The following ZNF626 variants were observed in gnomAD, a reference collection of about 807,000 sequenced individuals.
ZNF626 encodes the protein CTC-513N18.7.
ZNF626 carries 4 observed loss-of-function variants against 11.7 expected under a neutral mutation model. The observed-to-expected ratio is 0.34, with a 90% confidence interval of 0.17 to 0.78. The LOEUF is 0.78. Among genes scored for constraint, ZNF626 ranks in the 30% least tolerant of loss-of-function variants. The pLI is 0.57. For missense variants in ZNF626, 588 were observed against 587.1 expected, an observed-to-expected ratio of 1.00 and a Z score of -0.01; for synonymous variants, 179 against 198.6, an observed-to-expected ratio of 0.90 and a Z score of 0.83.
At chr19:20,656,333 ACT>A (rs1357069938) in intron 1 of ZNF626, among the ~76,000 whole-genome samples, 1 of 152,150 alleles carries the variant, frequency 6.6e-6, no homozygotes. Flanking sequence ...ATTATAAGAA[ACT>A]CTGCAAGATA....
At chr19:20,626,160 G>A (rs1969829845) in intron 3 of ZNF626, among the ~76,000 whole-genome samples, 1 of 152,096 alleles carries the variant, frequency 6.6e-6, no homozygotes, top group Non-Finnish European at 1.5e-5. Context: ...CTACTCAGAA[G>A]GCTGAGGCAG....
intron 3 of ZNF626, among the ~76,000 whole-genome samples, chr19:20,630,414 T>A (rs1184306496): frequency 5.3e-5 from 4 of 75,458 alleles, no homozygotes; most frequent in Non-Finnish European, 9.7e-5. Flanking sequence ...GGTCCTGAAC[T>A]TTTTTTGATT....
At position 20,661,534 on chromosome 19, in the gene ZNF626, G is replaced by GAAGA. The variant is rs1555773711; in HGVS notation, c.-92_-89dup. ...GGCCACACAGCCTGGGCCTTTAGGAGAAGAACCAGACCTGGAGCTCTGACT... is the reference window on the plus strand; with the variant it reads ...GGCCACACAGCCTGGGCCTTTAGGAGAAGAAAGAACCAGACCTGGAGCTCTGACT... On this transcript the variant is annotated 5_prime_UTR_variant, in exon 1 of 4. Coordinates refer to ENST00000601440, the MANE Select transcript of ZNF626 (RefSeq NM_001076675.3). 4.7e-6 allele frequency: 7 copies of GAAGA among 1,492,278 alleles called. No individual in the cohort carries two copies. The highest frequency in any genetic ancestry group is 1.4e-5 in the African/African-American group (1 of 71,816). 92.4% of individuals were successfully genotyped at this position (1,492,278 alleles called of 1,614,324 possible).
At chr19:20,651,012 C>A (rs188861001) in intron 1 of ZNF626, among the ~76,000 whole-genome samples, 1 of 151,838 alleles carries the variant, frequency 6.6e-6, no homozygotes, top group African/African-American at 2.4e-5. Context: ...GATTTTGAAA[C>A]CCCGTCTCTA....
At chr19:20,630,797 CTTAG>C (rs1969895836) in intron 3 of ZNF626, among the ~76,000 whole-genome samples, 1 of 151,942 alleles carries the variant, frequency 6.6e-6, no homozygotes, top group African/African-American at 2.4e-5. Context: ...CTGCTCTGAT[CTTAG>C]TTATTTCTTG....
At chr19:20,661,353 C>A in intron 1 of ZNF626, 91 bp downstream of exon 1, 1 of 1,539,112 alleles carries the variant, frequency 6.5e-7, no homozygotes. Flanking sequence ...GTGGAGCTGA[C>A]TGCGGGGAGG....
chr19:20,639,368 C>T (rs547325817), intron 3 of ZNF626, among the ~76,000 whole-genome samples: 17 of 152,294 alleles, frequency 1.1e-4, no homozygotes, highest in Admixed American at 3.9e-4. Context: ...ACTTTCCAGT[C>T]AAAACCAAGA....
chr19:20,643,634 G>A (rs1970046239), intron 3 of ZNF626, among the ~76,000 whole-genome samples: 1 of 152,062 alleles, frequency 6.6e-6, no homozygotes, highest in Non-Finnish European at 1.5e-5. Flanking sequence ...TAATAAAAGT[G>A]CTCTATTTTC....
intron 3 of ZNF626, chr19:20,645,447 C>T: frequency 6.2e-7 from 1 of 1,611,828 alleles, no homozygotes. Context: ...GAAGGAAGCT[C>T]ACTGAAAGAA....
chr19:20,637,820 C>G (rs1969982865), intron 3 of ZNF626, among the ~76,000 whole-genome samples: 1 of 152,056 alleles, frequency 6.6e-6, no homozygotes, highest in Non-Finnish European at 1.5e-5. Context: ...GAAATAACAA[C>G]TTCATTTCTT....
intron 3 of ZNF626, among the ~76,000 whole-genome samples, chr19:20,633,934 T>C (rs1969938141): frequency 6.6e-6 from 1 of 152,032 alleles, no homozygotes; most frequent in Non-Finnish European, 1.5e-5. Context: ...TCTTGGCTCC[T>C]CCCCCCTCAT....
intron 1 of ZNF626, among the ~76,000 whole-genome samples, chr19:20,651,186 C>CA (rs34904142): frequency 0.082 from 10,336 of 126,816 alleles, 1,038 homozygotes; most frequent in African/African-American, 0.26. Flanking sequence ...GACTCCATAT[C>CA]AAAAAAAAAA....
chr19:20,636,733 A>AT (rs1243096524), intron 3 of ZNF626, among the ~76,000 whole-genome samples: 8 of 152,204 alleles, frequency 5.3e-5, no homozygotes, highest in African/African-American at 1.9e-4. Context: ...AAGATATAAT[A>AT]TACAGGGTTG....
At position 20,622,805 on chromosome 19, in the gene ZNF626, T is replaced by C. The variant is rs2144758958; in HGVS notation, c.*1485A>G. 6.6e-6 allele frequency: 1 copy of C among 152,312 alleles called. No individual in the cohort carries two copies. The highest frequency in any genetic ancestry group is 2.4e-5 in the African/African-American group (1 of 41,576). 9.4% of individuals were successfully genotyped at this position (152,312 alleles called of 1,614,324 possible). A position where few individuals can be genotyped will look rare whatever the true frequency, so the allele number is the denominator to read the frequency against. On this transcript the variant is annotated 3_prime_UTR_variant, in exon 4 of 4. Coordinates refer to ENST00000601440, the MANE Select transcript of ZNF626 (RefSeq NM_001076675.3). ...TTAGTTATTCTGTAAATTCTGATAT[T>C]TACATACAATTAATTTTGAATTAAA...
intron 1 of ZNF626, among the ~76,000 whole-genome samples, chr19:20,658,470 C>T (rs1970229412): frequency 6.6e-6 from 1 of 152,066 alleles, no homozygotes. Flanking sequence ...GGTGGGAATC[C>T]TGTGGTGGCA....
chr19:20,645,101 T>C, intron 3 of ZNF626: 1 of 401,088 alleles, frequency 2.5e-6, no homozygotes. Flanking sequence ...AAAATACAAT[T>C]CAAAAATTTA....
intron 3 of ZNF626, among the ~76,000 whole-genome samples, chr19:20,642,784 G>C (rs1185856171): frequency 6.6e-6 from 1 of 152,132 alleles, no homozygotes; most frequent in African/African-American, 2.4e-5. Context: ...TTGGGAGGCT[G>C]AGGCGGGCGG....
Position 20,633,255 on chromosome 19 carries a change from C to T in ZNF626, c.227-7605G>A, listed in dbSNP as rs1386987675. 1.8e-4 allele frequency among the ~76,000 whole-genome samples: 27 copies of T among 152,214 alleles called. 1 individual carries two copies. Among genetic ancestry groups the T allele is most frequent in the Non-Finnish European group, 1.5e-5 (1 of 68,046 alleles). On this transcript the variant is annotated intron_variant, in intron 3 of 3. Coordinates refer to ENST00000601440, the MANE Select transcript of ZNF626 (RefSeq NM_001076675.3). ...TCAGGGACCCACTTGAGAAGGCAGT[C>T]TGCCCATTCTCAGATCTCAAGCTGC...
At chr19:20,627,081 G>C (rs1369194739) in intron 3 of ZNF626, among the ~76,000 whole-genome samples, 1 of 151,330 alleles carries the variant, frequency 6.6e-6, no homozygotes, top group South Asian at 2.1e-4. Context: ...AAGTACTGAA[G>C]ATAAAAATGA....
Sources: allele counts gnomAD v4.1 joint callset (sites outside exome capture counted in the v4.1 genomes callset), GRCh38; gene constraint gnomAD v4.1.1; transcripts MANE v1.5; gene names NCBI Gene and HGNC (gene_info 2026-07-23, HGNC 2026-07-21).